The following EFCAB13 variants were observed in gnomAD, a reference collection of about 807,000 sequenced individuals.
EFCAB13 encodes the protein EF-hand calcium binding domain 13.
A neutral mutation model predicts 110.2 loss-of-function variants in EFCAB13; 91 were observed. The ratio of observed to expected loss-of-function variants is 0.83; its 90% CI spans 0.70 to 0.98. EFCAB13 has a LOEUF of 0.98. EFCAB13 is among the 50% of genes least tolerant of loss of function. The probability of loss-of-function intolerance (pLI) is 0.00; values close to 1 mark genes in which losing one functional copy is unlikely to be tolerated. For missense variants in EFCAB13, 968 were observed against 1,119.4 expected (o/e 0.86, Z 1.93); for synonymous variants, 323 against 369.9 (o/e 0.87, Z 1.45).
intron 3 of EFCAB13, chr17:47,327,912 CATG>C (rs1171971852): frequency 4.6e-6 from 1 of 215,420 alleles, no homozygotes. Flanking sequence ...AAGTCTTTAT[CATG>C]ATATTTAGCA....
chr17:47,325,632 T>C (rs983979164), intron 2 of EFCAB13, among the ~76,000 whole-genome samples: 1 of 151,964 alleles, frequency 6.6e-6, no homozygotes, highest in Non-Finnish European at 1.5e-5. Context: ...TTGTACTTAC[T>C]TTTCTTTCTG....
intron 5 of EFCAB13, among the ~76,000 whole-genome samples, chr17:47,341,606 C>A (rs566534130): frequency 7.0e-4 from 106 of 152,194 alleles, no homozygotes; most frequent in Non-Finnish European, 1.2e-3. Flanking sequence ...AGCAATCTGC[C>A]CACCTTGGCC....
intron 16 of EFCAB13, among the ~76,000 whole-genome samples, 154 bp from the exon 17 acceptor site, chr17:47,395,680 G>T (rs981296383): frequency 1.3e-5 from 2 of 151,960 alleles, no homozygotes; most frequent in Admixed American, 1.3e-4. Context: ...ATTTTATTAT[G>T]TTTTCATTTT....
intron 5 of EFCAB13, chr17:47,340,018 C>T (rs1221206313): frequency 1.3e-5 from 2 of 152,084 alleles, no homozygotes; most frequent in Non-Finnish European, 2.9e-5. Context: ...CCACCTTTTC[C>T]TATAAAAGAT....
chr17:47,393,543 C>T (rs1416127556), intron 15 of EFCAB13, among the ~76,000 whole-genome samples: 2 of 151,844 alleles, frequency 1.3e-5, no homozygotes. Flanking sequence ...ATAATGGAAA[C>T]CCCATCTCTC....
chr17:47,380,366 T>C (rs189251919), intron 14 of EFCAB13, among the ~76,000 whole-genome samples: 161 of 152,302 alleles, frequency 1.1e-3, no homozygotes, highest in African/African-American at 3.6e-3. Context: ...TTGCTGAGGA[T>C]GATGGTTTCC....
chr17:47,377,213 A>G (rs72825666), intron 12 of EFCAB13, among the ~76,000 whole-genome samples: 13,382 of 152,180 alleles, frequency 0.088, 853 homozygotes, highest in East Asian at 0.35. Context: ...TCAGGCTGGA[A>G]TGCAGTGGTG....
chr17:47,439,949 T>C (rs1567810713), intron 24 of EFCAB13, among the ~76,000 whole-genome samples: 1 of 152,128 alleles, frequency 6.6e-6, no homozygotes, highest in Non-Finnish European at 1.5e-5. Context: ...TTTTTCATTG[T>C]TGTACTGCCG....
chr17:47,378,026 G>T, intron 13 of EFCAB13, 123 bp downstream of exon 13: 1 of 874,306 alleles, frequency 1.1e-6, no homozygotes, highest in Non-Finnish European at 1.6e-6. Context: ...TCATTCTAAA[G>T]AAAATTCAGA....
At chr17:47,412,662 G>T in intron 21 of EFCAB13, 111 bp from the exon 22 acceptor site, 1 of 1,106,490 alleles carries the variant, frequency 9.0e-7, no homozygotes, top group Non-Finnish European at 1.3e-6. Flanking sequence ...CCTTTGGAGA[G>T]ATTTTGATTC....
In EFCAB13 at chr17:47,341,196, G is replaced by A. The variant is rs547971025; in HGVS notation, c.192-725G>A. Among the ~76,000 whole-genome samples, 3 of 152,214 alleles carry A rather than the reference G, an allele frequency of 2.0e-5. No individual in the cohort carries two copies. The South Asian group carries it at 6.2e-4, about 32-fold the overall frequency. ...AGGTATAGAAGGAGAACTTATAGATGAAAAGAAGTTAAAAAGACATTTCAG... is the reference window on the plus strand; with the variant it reads ...AGGTATAGAAGGAGAACTTATAGATAAAAAGAAGTTAAAAAGACATTTCAG... On this transcript the variant is annotated intron_variant, in intron 5 of 24. Transcript: ENST00000331493.
intron 8 of EFCAB13, among the ~76,000 whole-genome samples, chr17:47,346,733 A>C (rs1399230450): frequency 6.6e-6 from 1 of 152,080 alleles, no homozygotes; most frequent in Non-Finnish European, 1.5e-5. Context: ...GTGCCCTTTC[A>C]CCAGACTAAT....
chr17:47,364,636 A>G (rs191237275), intron 10 of EFCAB13, among the ~76,000 whole-genome samples: 18 of 152,248 alleles, frequency 1.2e-4, no homozygotes, highest in Admixed American at 3.3e-4. Flanking sequence ...AAGTTCACAT[A>G]ACCTTTCCTC....
At chr17:47,344,458 T>TA in intron 7 of EFCAB13, among the ~76,000 whole-genome samples, 166 bp downstream of exon 7, 1 of 152,260 alleles carries the variant, frequency 6.6e-6, no homozygotes, top group East Asian at 1.9e-4. Context: ...TTGGAAGACT[T>TA]AGATTTGAGT....
chr17:47,361,434 G>A lies in EFCAB13; in HGVS notation c.718G>A (p.Asp240Asn). Residue 240 changes from aspartate to asparagine, a missense_variant, in exon 10 of 25, where the codon GAT becomes AAT. Asp to Asn is a conservative substitution (Grantham distance 23). Transcript: ENST00000331493. ...CRIKGGRVSTDDVFAVLDSMG... is the reference protein window; with the variant it reads ...CRIKGGRVSTNDVFAVLDSMG... ...GATAAAAGGTGGTCGAGTTTCAACTGATGACGTGTTTGCTGTTTTGGATAG... is the reference window on the plus strand; with the variant it reads ...GATAAAAGGTGGTCGAGTTTCAACTAATGACGTGTTTGCTGTTTTGGATAG... The A allele has an allele frequency of 6.2e-7, 1 of 1,613,940 alleles. No individual in the cohort carries two copies. Among genetic ancestry groups the A allele is most frequent in the Non-Finnish European group, 8.5e-7 (1 of 1,179,926 alleles).
intron 14 of EFCAB13, among the ~76,000 whole-genome samples, chr17:47,383,239 T>G (rs1049073848): frequency 2.6e-5 from 4 of 152,188 alleles, no homozygotes; most frequent in African/African-American, 9.7e-5. Flanking sequence ...AGCTTCCAGA[T>G]TCATTGATTT....
chr17:47,374,457 A>G lies in EFCAB13; in HGVS notation c.878-15A>G, dbSNP rs2065602227. 6.9e-7 allele frequency: 1 copy of G among 1,458,990 alleles called. No homozygotes were observed. Among genetic ancestry groups the G allele is most frequent in the East Asian group, 2.4e-5 (1 of 42,060 alleles). 90.4% of individuals were successfully genotyped at this position (1,458,990 alleles called of 1,614,324 possible). ...ATACAGGTAAATGAAATAATTGTAT[A>G]TTTCTCTTATTTAGCAATTACAGAA... On this transcript the variant is annotated splice_polypyrimidine_tract_variant and intron_variant, in intron 11 of 24. Coordinates refer to ENST00000331493, the MANE Select transcript of EFCAB13 (RefSeq NM_152347.5).
At chr17:47,422,021 C>T (rs1242669439) in intron 23 of EFCAB13, among the ~76,000 whole-genome samples, 2 of 151,952 alleles carry the variant, frequency 1.3e-5, no homozygotes, top group Non-Finnish European at 2.9e-5. Flanking sequence ...TAATTCAGTC[C>T]CCATCATGAC....
rs1326507962 is a variant in EFCAB13, at chr17:47,336,575, G to A, written c.191+1219G>A. The stretch of plus-strand genomic sequence containing the variant: ...CAAAGTGCTGGGATTATAGGCGTGA[G>A]CCACCGCACCTGGCCAATTTTTTTT... On this transcript the variant is annotated intron_variant, in intron 5 of 24. Coordinates refer to ENST00000331493, the MANE Select transcript of EFCAB13 (RefSeq NM_152347.5). Among the ~76,000 whole-genome samples the A allele has an allele frequency of 4.0e-5, 6 of 150,924 alleles. No individual in the cohort carries two copies. The East Asian group carries it at 9.8e-4, about 25-fold the overall frequency.
Sources: allele counts gnomAD v4.1 joint callset (sites outside exome capture counted in the v4.1 genomes callset), GRCh38; gene constraint gnomAD v4.1.1; transcripts MANE v1.5; gene names NCBI Gene and HGNC (gene_info 2026-07-23, HGNC 2026-07-21).